ZNF362: variants seen among roughly 807,000 people sequenced by gnomAD.
ZNF362 encodes the protein zinc finger protein 362.
A neutral mutation model predicts 42.9 loss-of-function variants in ZNF362; 11 were observed. The observed-to-expected ratio is 0.26, with a 90% CI of 0.16 to 0.42. The LOEUF (loss-of-function observed/expected upper bound fraction) is 0.42. Ranked by LOEUF, ZNF362 falls within the 20% of genes least tolerant of loss-of-function variation. The pLI is 1.00. For synonymous variants in ZNF362, 255 were observed against 257.3 expected (o/e 0.99, Z 0.09); for missense variants, 362 against 576.2 (o/e 0.63, Z 3.81).
the ZNF362 span, among the ~76,000 whole-genome samples, chr1:33,151,937 T>C: frequency 1.3e-5 from 2 of 152,232 alleles, no homozygotes; most frequent in South Asian, 2.1e-4. Context: ...GCTTCGAACA[T>C]GCAGAGGCCT....
At chr1:33,183,468 T>C in the ZNF362 span, among the ~76,000 whole-genome samples, 3 of 152,320 alleles carry the variant, frequency 2.0e-5, no homozygotes, top group East Asian at 5.8e-4. Flanking sequence ...CTGATTTTGG[T>C]CAGGTGGCCC....
the ZNF362 span, among the ~76,000 whole-genome samples, chr1:33,233,557 CCACG>C: frequency 6.6e-6 from 1 of 152,188 alleles, no homozygotes; most frequent in Admixed American, 6.5e-5. Context: ...GTCCATGCCA[CCACG>C]CCCAGCTAAT....
chr1:33,257,532 C>A (rs1441176119), intron 1 of ZNF362, among the ~76,000 whole-genome samples: 2 of 150,698 alleles, frequency 1.3e-5, no homozygotes, highest in Non-Finnish European at 3.0e-5. Flanking sequence ...AGTTAACTGC[C>A]GGTTTCCTCA....
chr1:33,233,949 G>A, the ZNF362 span, among the ~76,000 whole-genome samples: 2 of 152,150 alleles, frequency 1.3e-5, no homozygotes, highest in Admixed American at 1.3e-4. Context: ...CATGACTGTT[G>A]CAGGAATTAA....
At chr1:33,131,146 A>T in the ZNF362 span, among the ~76,000 whole-genome samples, 4 of 152,240 alleles carry the variant, frequency 2.6e-5, no homozygotes, top group Non-Finnish European at 5.9e-5. Flanking sequence ...ATGCAGAAAA[A>T]TAGAATCAAG....
chr1:33,229,342 G>T, the ZNF362 span, among the ~76,000 whole-genome samples: 1 of 151,792 alleles, frequency 6.6e-6, no homozygotes, highest in Non-Finnish European at 1.5e-5. Context: ...TGGAATGAAT[G>T]AGTGGATCCC....
upstream of ZNF362, among the ~76,000 whole-genome samples, chr1:33,252,059 TCATC>T (rs1477669002): frequency 6.6e-6 from 1 of 152,064 alleles, no homozygotes; most frequent in Non-Finnish European, 1.5e-5. Flanking sequence ...CTGAAAAAAA[TCATC>T]CATTCTCGGC....
chr1:33,243,154 T>C, the ZNF362 span, among the ~76,000 whole-genome samples: 2 of 151,618 alleles, frequency 1.3e-5, no homozygotes, highest in Non-Finnish European at 2.9e-5. Context: ...TTATGTTATG[T>C]TATGTTGTTA....
At chr1:33,224,838 C>T in the ZNF362 span, among the ~76,000 whole-genome samples, 11 of 152,176 alleles carry the variant, frequency 7.2e-5, no homozygotes, top group South Asian at 1.9e-3. Flanking sequence ...ACGAAGAAAA[C>T]CATATTCAGG....
chr1:33,135,220 C>T, the ZNF362 span, among the ~76,000 whole-genome samples: 3 of 152,112 alleles, frequency 2.0e-5, no homozygotes, highest in East Asian at 1.9e-4. Context: ...AACCTTGAAG[C>T]GAGGTTGCAG....
chr1:33,204,224 A>G, the ZNF362 span, among the ~76,000 whole-genome samples: 1 of 152,082 alleles, frequency 6.6e-6, no homozygotes, highest in Non-Finnish European at 1.5e-5. Flanking sequence ...TCTATTGAAG[A>G]GGCTGTCTTT....
At chr1:33,144,724 C>T in the ZNF362 span, among the ~76,000 whole-genome samples, 1 of 152,194 alleles carries the variant, frequency 6.6e-6, no homozygotes, top group Admixed American at 6.5e-5. Flanking sequence ...TAACTCCCAG[C>T]CAGGATGCTT....
At chr1:33,189,570 G>A in the ZNF362 span, among the ~76,000 whole-genome samples, 13 of 145,732 alleles carry the variant, frequency 8.9e-5, no homozygotes, top group East Asian at 2.0e-4. Context: ...TCTTAGCGCC[G>A]CAACCACACT....
At chr1:33,207,537 C>T in the ZNF362 span, among the ~76,000 whole-genome samples, 121 of 152,326 alleles carry the variant, frequency 7.9e-4, 1 homozygote, top group African/African-American at 2.5e-3. Flanking sequence ...CTGTCTTCCA[C>T]AATGGTTGAA....
the ZNF362 span, among the ~76,000 whole-genome samples, chr1:33,230,976 A>G: frequency 6.6e-6 from 1 of 152,352 alleles, no homozygotes; most frequent in African/African-American, 2.4e-5. Flanking sequence ...CAGTTGCTAG[A>G]CTGAAAATCT....
At chr1:33,247,243 G>C in the ZNF362 span, among the ~76,000 whole-genome samples, 2 of 152,318 alleles carry the variant, frequency 1.3e-5, no homozygotes, top group African/African-American at 4.8e-5. Context: ...TATGAACAAA[G>C]TCAAGTCTAG....
the ZNF362 span, among the ~76,000 whole-genome samples, chr1:33,242,108 T>C: frequency 6.6e-6 from 1 of 152,124 alleles, no homozygotes; most frequent in Non-Finnish European, 1.5e-5. Flanking sequence ...CTCAGATTCC[T>C]GAGGGATGAG....
the ZNF362 span, among the ~76,000 whole-genome samples, chr1:33,215,677 A>C: frequency 6.6e-6 from 1 of 152,186 alleles, no homozygotes. Context: ...AAAATTTAAA[A>C]ATCAATATAA....
the ZNF362 span, among the ~76,000 whole-genome samples, chr1:33,226,951 T>C: frequency 6.6e-6 from 1 of 152,156 alleles, no homozygotes; most frequent in Non-Finnish European, 1.5e-5. Flanking sequence ...ATGGTTTCAT[T>C]TATATGAAAT....
Sources: allele counts gnomAD v4.1 joint callset (sites outside exome capture counted in the v4.1 genomes callset), GRCh38; gene constraint gnomAD v4.1.1; transcripts MANE v1.5; gene names NCBI Gene and HGNC (gene_info 2026-07-23, HGNC 2026-07-21).